Variants in STIL observed in about 807,000 individuals in gnomAD.
The protein encoded by STIL is SCL-interrupting locus protein.
STIL carries 55 observed loss-of-function variants against 110.1 expected under a neutral mutation model. That is an observed-to-expected ratio of 0.50 (90% CI 0.40 to 0.63). The LOEUF (loss-of-function observed/expected upper bound fraction) is 0.63, where lower values mean the gene tolerates loss of function less well. Ranked by LOEUF, STIL falls within the 20% of genes least tolerant of loss-of-function variation. The pLI, the probability that STIL is intolerant of heterozygous loss-of-function variation, is 0.00. For missense variants in STIL, 1,358 were observed against 1,530.0 expected, an observed-to-expected ratio of 0.89 and a Z score of 1.87; for synonymous variants, 481 against 530.0, an observed-to-expected ratio of 0.91 and a Z score of 1.27.
At position 47,272,086 on chromosome 1, in the gene STIL, A is replaced by C. The variant is rs1644857332; in HGVS notation, c.2373T>G (p.Ala791=). The C allele has an allele frequency of 1.3e-5, 21 of 1,614,172 alleles. No individual in the cohort carries two copies. The highest frequency in any genetic ancestry group is 1.8e-5 in the Non-Finnish European group (21 of 1,179,998). The change falls in exon 13 of 17, where the codon GCT becomes GCG. Residue 791 remains alanine (A), a synonymous_variant. Coordinates refer to ENST00000371877, the MANE Select transcript of STIL (RefSeq NM_001048166.1). ...AAAAACTGAAATTACCTGTGCTCAC[A>C]GCAATGCTTACACCTTTTCTCATGT... ...GLHMRKGVSI[A]VSTGASLFWN... is the part of the protein sequence containing the mutation.
chr1:47,269,213 T>C (rs980066362), intron 14 of STIL, among the ~76,000 whole-genome samples: 9 of 152,154 alleles, frequency 5.9e-5, no homozygotes, highest in Admixed American at 5.9e-4. Context: ...ATCCAGACTG[T>C]TAATATAGCC....
intron 10 of STIL, among the ~76,000 whole-genome samples, chr1:47,284,825 G>A (rs989640579): frequency 2.6e-5 from 4 of 151,926 alleles, no homozygotes; most frequent in Admixed American, 6.6e-5. Flanking sequence ...GCGAAGTGGA[G>A]GTTGCAGTGA....
At chr1:47,268,425 G>C (rs893465570) in intron 14 of STIL, among the ~76,000 whole-genome samples, 1 of 151,544 alleles carries the variant, frequency 6.6e-6, no homozygotes, top group African/African-American at 2.4e-5. Context: ...CAGCCTGGGT[G>C]AAAAAGCGAG....
chr1:47,284,881 C>A (rs1209319618), intron 10 of STIL, among the ~76,000 whole-genome samples: 1 of 147,554 alleles, frequency 6.8e-6, no homozygotes, highest in Non-Finnish European at 1.5e-5. Context: ...CAGAGTGAGA[C>A]CCTATCTCAA....
intron 13 of STIL, among the ~76,000 whole-genome samples, chr1:47,271,577 AAG>A (rs1401973770): frequency 4.0e-5 from 6 of 151,620 alleles, no homozygotes; most frequent in Non-Finnish European, 7.4e-5. Context: ...AAAAAAAAAA[AAG>A]TAAATCATAG....
chr1:47,265,700 G>A (rs1397089797), intron 14 of STIL, among the ~76,000 whole-genome samples: 2 of 146,780 alleles, frequency 1.4e-5, no homozygotes, highest in Non-Finnish European at 3.0e-5. Flanking sequence ...AGAACTGCTT[G>A]TACCCGGGAG....
At chr1:47,289,938 CAAAAAAAA>C (rs59432279) in intron 8 of STIL, among the ~76,000 whole-genome samples, 1 of 104,060 alleles carries the variant, frequency 9.6e-6, no homozygotes. Flanking sequence ...ACTCCGTCTC[CAAAAAAAA>C]AAAAAAAAAA....
chr1:47,257,883 G>C (rs1329760094), intron 16 of STIL, among the ~76,000 whole-genome samples: 2 of 152,212 alleles, frequency 1.3e-5, no homozygotes, highest in East Asian at 3.8e-4. Context: ...CTGGCTCATA[G>C]AAACTCAGTA....
chr1:47,273,156 T>A (rs1276653370), intron 12 of STIL, among the ~76,000 whole-genome samples: 1 of 152,154 alleles, frequency 6.6e-6, no homozygotes, highest in Non-Finnish European at 1.5e-5. Flanking sequence ...AAGTAGCAAA[T>A]CTGAAAGCTG....
intron 3 of STIL, among the ~76,000 whole-genome samples, chr1:47,303,371 CCTGA>C (rs1241975354): frequency 6.6e-6 from 1 of 151,972 alleles, no homozygotes. Flanking sequence ...TCGTGACCAG[CCTGA>C]CTAACATGGT....
intron 6 of STIL, among the ~76,000 whole-genome samples, chr1:47,296,699 A>T (rs1645650823): frequency 6.6e-6 from 1 of 152,064 alleles, no homozygotes; most frequent in Non-Finnish European, 1.5e-5. Context: ...AATCCCAGCT[A>T]CTCGGGAGGC....
chr1:47,252,442 A>T (rs1394506505), intron 16 of STIL, among the ~76,000 whole-genome samples: 1 of 152,158 alleles, frequency 6.6e-6, no homozygotes, highest in Non-Finnish European at 1.5e-5. Flanking sequence ...CCTAGAAGGT[A>T]ATCCATGATT....
chr1:47,303,932 T>C (rs1432070042), intron 3 of STIL, among the ~76,000 whole-genome samples: 5 of 152,204 alleles, frequency 3.3e-5, no homozygotes, highest in African/African-American at 1.2e-4. Context: ...TTATAATGTA[T>C]AATAGATGCC....
intron 13 of STIL, 133 bp from the exon 14 acceptor site, chr1:47,269,999 G>A: frequency 1.2e-6 from 1 of 807,546 alleles, no homozygotes; most frequent in South Asian, 1.5e-5. Context: ...CACTTTGAGA[G>A]GCAGAGGCGG....
At chr1:47,296,088 T>C (rs1007120337) in intron 6 of STIL, among the ~76,000 whole-genome samples, 1 of 152,218 alleles carries the variant, frequency 6.6e-6, no homozygotes, top group African/African-American at 2.4e-5. Context: ...ACATTGAAGA[T>C]TATACACCTT....
chr1:47,287,156 A>G (rs1351425047), intron 10 of STIL, among the ~76,000 whole-genome samples: 1 of 152,138 alleles, frequency 6.6e-6, no homozygotes, highest in Non-Finnish European at 1.5e-5. Context: ...TGAGGCTAGG[A>G]GCTCGAGACC....
intron 10 of STIL, chr1:47,282,778 CTTG>C: frequency 1.1e-5 from 3 of 277,142 alleles, no homozygotes; most frequent in East Asian, 8.4e-5. Flanking sequence ...AGACTTAGTA[CTTG>C]CTGTCAAAAA....
chr1:47,264,930 TAA>T (rs35230201), intron 14 of STIL, among the ~76,000 whole-genome samples: 48 of 128,828 alleles, frequency 3.7e-4, no homozygotes, highest in East Asian at 1.7e-3. Flanking sequence ...TTTCTAAAGT[TAA>T]AAAAAAAAAA....
chr1:47,281,031 G>GGA lies in STIL; in HGVS notation c.1425_1426dup (p.Pro476LeufsTer11), dbSNP rs1159191417. ...GGAAGGCTCTCCAGCTTCAACTTCT[G>GGA]GACTGTGTTTCTCATCATAAAGCTG... On this transcript the variant is annotated frameshift_variant, in exon 12 of 17. Coordinates refer to ENST00000371877, the MANE Select transcript of STIL (RefSeq NM_001048166.1). LOFTEE classifies it high-confidence loss of function. 1.2e-6 allele frequency: 2 copies of GGA among 1,614,024 alleles called. No homozygotes were observed. The highest frequency in any genetic ancestry group is 2.2e-5 in the East Asian group (1 of 44,868).
Sources: allele counts gnomAD v4.1 joint callset (sites outside exome capture counted in the v4.1 genomes callset), GRCh38; gene constraint gnomAD v4.1.1; transcripts MANE v1.5; gene names NCBI Gene and HGNC (gene_info 2026-07-23, HGNC 2026-07-21).